TRIO: variants seen among roughly 807,000 people sequenced by gnomAD.
TRIO encodes the protein triple functional domain protein.
In TRIO, 58 loss-of-function variants were observed where a neutral mutation model predicts 351.9. The ratio of observed to expected loss-of-function variants is 0.16; its 90% CI spans 0.13 to 0.21. The LOEUF (loss-of-function observed/expected upper bound fraction) is 0.21, where lower values mean the gene tolerates loss of function less well. Among genes scored for constraint, TRIO ranks in the 10% least tolerant of loss-of-function variants. The pLI is 1.00. For missense variants in TRIO, 3,201 were observed against 4,027.8 expected (o/e 0.79, Z 5.56); for synonymous variants, 1,758 against 1,595.7 (o/e 1.10, Z -2.42).
intron 1 of TRIO, among the ~76,000 whole-genome samples, chr5:14,155,304 T>C (rs1788041900): frequency 6.6e-6 from 1 of 152,256 alleles, no homozygotes; most frequent in Admixed American, 6.5e-5. Flanking sequence ...GTTACAAATA[T>C]GATGATGTCC....
chr5:14,378,967 A>AAC (rs1745823038), intron 20 of TRIO, among the ~76,000 whole-genome samples: 1 of 152,226 alleles, frequency 6.6e-6, no homozygotes, highest in Non-Finnish European at 1.5e-5. Flanking sequence ...TTCTGCCTGT[A>AAC]TCATCAGTCA....
rs539366177 is a variant in TRIO, at chr5:14,358,090, G to C, written c.2047-88G>C. 4.1e-6 allele frequency: 6 copies of C among 1,466,868 alleles called. No individual in the cohort carries two copies. In the South Asian group the frequency reaches 6.7e-5, roughly 16 times the overall value. The allele number at this position is 1,466,868 out of a possible 1,614,324, so 90.9% of individuals were successfully genotyped here. ...CCCCTCCCAGGGCAAGTCACACACC[G>C]TCTCCACTGGGGCCCCTTGGACACC... On this transcript the variant is annotated intron_variant, in intron 11 of 56. Transcript: ENST00000344204.
intron 34 of TRIO, among the ~76,000 whole-genome samples, chr5:14,433,812 A>G (rs1751373982): frequency 6.6e-6 from 1 of 152,166 alleles, no homozygotes; most frequent in Non-Finnish European, 1.5e-5. Flanking sequence ...GTTGTTTTAT[A>G]TATCCAGTAT....
Position 14,492,689 on chromosome 5 carries a change from G to A in TRIO, c.7755G>A (p.Gln2585=), listed in dbSNP as rs746948922. The change falls in exon 49 of 57, where the codon CAG becomes CAA. Residue 2585 remains glutamine, a synonymous_variant. Transcript: ENST00000344204. ...TCGTTCAAATTCTGGCCAGCAACCA[G>A]CAGAACATGTTTCTGGTGTTCCGAG... ...GEVVQILASN[Q]QNMFLVFRAA... is the part of the protein sequence containing the mutation. 60 of 1,614,016 alleles carry A rather than the reference G, an allele frequency of 3.7e-5. No homozygotes were observed. The highest frequency in any genetic ancestry group is 4.7e-5 in the Non-Finnish European group (56 of 1,180,024).
At chr5:14,360,014 T>TTC (rs1307805344) in intron 13 of TRIO, among the ~76,000 whole-genome samples, 10 of 151,976 alleles carry the variant, frequency 6.6e-5, no homozygotes, top group Admixed American at 6.6e-4. Flanking sequence ...TCTCTCCACC[T>TTC]TCTCTCTCTC....
In TRIO at chr5:14,381,206, C is replaced by G. The variant is rs1274016680; in HGVS notation, c.3524C>G (p.Thr1175Ser). 3 of 1,613,890 alleles carry G rather than the reference C, an allele frequency of 1.9e-6. No individual in the cohort carries two copies. The African/African-American group carries it at 4.0e-5, about 22-fold the overall frequency. ...HTSTGSSIQH[T>S]QELLKEHEEF... is the part of the protein sequence containing the mutation. Reference sequence around the variant, plus strand: ...TCCACGGGCTCCAGTATACAGCACACCCAGGAGCTCCTGAAAGAGCACGAG... The same window carrying G: ...TCCACGGGCTCCAGTATACAGCACAGCCAGGAGCTCCTGAAAGAGCACGAG... Residue 1175 changes from threonine (T) to serine (S), a missense_variant, in exon 21 of 57, where the codon ACC becomes AGC. Transcript: ENST00000344204.
chr5:14,327,944 C>T (rs573074668), intron 9 of TRIO, among the ~76,000 whole-genome samples: 11 of 152,318 alleles, frequency 7.2e-5, no homozygotes, highest in South Asian at 6.2e-4. Flanking sequence ...AACTCAGCAA[C>T]GCTTTGTCTG....
rs796714509 is a variant in TRIO at position 14,281,428 on chromosome 5, C to CG, written c.347+992_347+993insG. 8.5e-5 allele frequency among the ~76,000 whole-genome samples: 9 copies of CG among 105,422 alleles called. No homozygotes were observed. The East Asian group carries it at 2.4e-3, about 28-fold the overall frequency. 69.2% of individuals were successfully genotyped at this position (105,422 alleles called of 152,430 possible). A position where few individuals can be genotyped will look rare whatever the true frequency, so the allele number is the denominator to read the frequency against. ...AGATGGTGCTAAGCCGTTAGAACCC[C>CG]CCCCCCCCGCCCCGTGATCCAATTA... On this transcript the variant is annotated intron_variant, in intron 3 of 56. Transcript: ENST00000344204.
rs761743797 is a variant in TRIO at position 14,359,551 on chromosome 5, C to T, written c.2391+20C>T. 24 of 1,608,302 alleles carry T rather than the reference C, an allele frequency of 1.5e-5. No homozygotes were observed. Among genetic ancestry groups the T allele is most frequent in the African/African-American group, 6.7e-5 (5 of 74,838 alleles). On this transcript the variant is annotated intron_variant, in intron 13 of 56. Transcript: ENST00000344204. ...ATCGACGTGAGTGTCCCGCGGCTGG[C>T]GCCTGCCTGCCTGTGGGAGCCCTTG... is the stretch of plus-strand genomic sequence containing the variant.
Position 14,317,649 on chromosome 5 carries a change from A to AC in TRIO, c.1731+908dup, listed in dbSNP as rs1739486109. Among the ~76,000 whole-genome samples, 8 of 152,348 alleles carry AC rather than the reference A, an allele frequency of 5.3e-5. No homozygotes were observed. In the South Asian group the frequency reaches 1.7e-3, roughly 32 times the overall value. ...GACTGAGATTCTCTGTATGTCATTC[A>AC]CCATCATTCTCATCATTCTTCACTT... On this transcript the variant is annotated intron_variant, in intron 9 of 56. Transcript: ENST00000344204.
At chr5:14,191,737 G>A (rs374916605) in intron 1 of TRIO, among the ~76,000 whole-genome samples, 2 of 152,306 alleles carry the variant, frequency 1.3e-5, no homozygotes, top group East Asian at 1.9e-4. Flanking sequence ...TCAGAACTTA[G>A]AGAAGTAAGC....
At chr5:14,492,884 C>T (rs566304457) in intron 49 of TRIO, 70 bp downstream of exon 49, 28 of 1,576,250 alleles carry the variant, frequency 1.8e-5, no homozygotes, top group South Asian at 2.4e-5. Context: ...GTGAGGCACA[C>T]GACCTCAGAC....
intron 4 of TRIO, among the ~76,000 whole-genome samples, chr5:14,290,172 A>G (rs1003209791): frequency 9.2e-5 from 14 of 152,210 alleles, no homozygotes; most frequent in African/African-American, 3.4e-4. Flanking sequence ...AGCAGCATTC[A>G]TCGTTTAATA....
chr5:14,291,238 G>C lies in TRIO; in HGVS notation c.1053+10G>C, dbSNP rs1193503881. The C allele has an allele frequency of 1.9e-6, 3 of 1,607,330 alleles. No individual in the cohort carries two copies. In the Admixed American group the frequency reaches 5.0e-5, roughly 27 times the overall value. ...ACAGGATGCTGAGAAGGTAAAGACG[G>C]GGGAGGCTAATGCCTCAGTGGACAT... is the stretch of plus-strand genomic sequence containing the variant. On this transcript the variant is annotated intron_variant, in intron 5 of 56. Coordinates refer to ENST00000344204, the MANE Select transcript of TRIO (RefSeq NM_007118.4).
rs570183042 is a variant in TRIO, at chr5:14,146,452, C to CT, written c.157+2578dup. Among the ~76,000 whole-genome samples, 6 of 152,166 alleles carry CT rather than the reference C, an allele frequency of 3.9e-5. No homozygotes were observed. The East Asian group carries it at 5.8e-4, about 15-fold the overall frequency. ...TTTGCATGGCTGCCTGATTTTCTTT[C>CT]TTTTTTTTAAATTCGTTCTTGTTGC... On this transcript the variant is annotated intron_variant, in intron 1 of 56. Transcript: ENST00000344204.
chr5:14,223,466 A>T (rs563702416), intron 1 of TRIO, among the ~76,000 whole-genome samples: 3 of 152,180 alleles, frequency 2.0e-5, no homozygotes, highest in African/African-American at 4.8e-5. Context: ...CATCACAGCC[A>T]TGTCCTCTGT....
chr5:14,467,458 C>A (rs576244709), intron 37 of TRIO, among the ~76,000 whole-genome samples: 1 of 152,270 alleles, frequency 6.6e-6, no homozygotes, highest in African/African-American at 2.4e-5. Flanking sequence ...ACCCAGTGAA[C>A]TTTGAACAGG....
chr5:14,377,864 C>G, intron 19 of TRIO, 148 bp from the exon 20 acceptor site: 1 of 624,006 alleles, frequency 1.6e-6, no homozygotes, highest in South Asian at 1.8e-5. Flanking sequence ...GACATGCTCA[C>G]TGAGACAGGA....
chr5:14,273,974 G>A (rs559446676), intron 2 of TRIO, among the ~76,000 whole-genome samples: 13 of 152,070 alleles, frequency 8.5e-5, no homozygotes, highest in South Asian at 8.3e-4. Context: ...TTAGTCTTCC[G>A]TTCACTCTGG....
Sources: allele counts gnomAD v4.1 joint callset (sites outside exome capture counted in the v4.1 genomes callset), GRCh38; gene constraint gnomAD v4.1.1; transcripts MANE v1.5; gene names NCBI Gene and HGNC (gene_info 2026-07-23, HGNC 2026-07-21).